Variants in SLC7A6 observed in about 807,000 individuals in gnomAD.
The protein encoded by SLC7A6 is Y+L amino acid transporter 2.
SLC7A6 carries 29 observed loss-of-function variants against 46.6 expected under a neutral mutation model. The observed-to-expected ratio is 0.62, with a 90% CI of 0.46 to 0.85. The LOEUF is 0.85. Ranked by LOEUF, SLC7A6 falls within the 40% of genes least tolerant of loss-of-function variation. The pLI is 0.00. For synonymous variants in SLC7A6, 276 were observed against 257.3 expected, an observed-to-expected ratio of 1.07 and a Z score of -0.70; for missense variants, 527 against 647.6, an observed-to-expected ratio of 0.81 and a Z score of 2.02.
At position 68,287,885 on chromosome 16, in the gene SLC7A6, A is replaced by AG. The variant is rs761489457; in HGVS notation, c.649+20dup. The AG allele has an allele frequency of 9.9e-6, 16 of 1,611,958 alleles. No homozygotes were observed. Among genetic ancestry groups the AG allele is most frequent in the East Asian group, 8.9e-5 (4 of 44,842 alleles). On this transcript the variant is annotated intron_variant, in intron 4 of 10. Transcript: ENST00000219343. The stretch of plus-strand genomic sequence containing the variant: ...AACTGTGCCAGGGTAAGTGGTGGGA[A>AG]GGGGGGTACCACCAACAGTTCCTCT...
At position 68,274,817 on chromosome 16, in the gene SLC7A6, C is replaced by A. The variant is rs904026306; in HGVS notation, c.91C>A (p.Pro31Thr). ...CCAGGTGGAAGAAGATGTCAGCTCG[C>A]CACCTCAAAGGTCCTCCGAAACTAT... ...QSQVEEDVSS[P>T]PQRSSETMQL... Residue 31 changes from proline to threonine, a missense_variant, in exon 3 of 11, where the codon CCA becomes ACA. By Grantham distance (38) the Pro-to-Thr change is conservative (BLOSUM62 -1). Transcript: ENST00000219343. 1.2e-6 allele frequency: 2 copies of A among 1,614,102 alleles called. No homozygotes were observed. Among genetic ancestry groups the A allele is most frequent in the African/African-American group, 1.3e-5 (1 of 74,934 alleles).
intron 8 of SLC7A6, among the ~76,000 whole-genome samples, chr16:68,296,160 AG>A (rs943042313): frequency 9.9e-5 from 15 of 152,128 alleles, no homozygotes; most frequent in Non-Finnish European, 2.1e-4. Flanking sequence ...CTGCAACAGA[AG>A]GGGGAAAGAT....
At chr16:68,294,585 C>G in intron 7 of SLC7A6, 120 bp from the exon 8 acceptor site, 1 of 733,248 alleles carries the variant, frequency 1.4e-6, no homozygotes, top group Non-Finnish European at 2.5e-6. Context: ...CTGGGATGCT[C>G]CTGGGAGGCT....
chr16:68,271,120 A>G, intron 2 of SLC7A6, among the ~76,000 whole-genome samples: 1 of 151,590 alleles, frequency 6.6e-6, no homozygotes, highest in Non-Finnish European at 1.5e-5. Flanking sequence ...AAAGTGGTGG[A>G]TTACAGGTGT....
rs2042494733 is a variant in SLC7A6 at position 68,264,645 on chromosome 16, C to T, written c.-166+69C>T. 1 of 152,266 alleles carries T rather than the reference C, an allele frequency of 6.6e-6. No homozygotes were observed. The highest frequency in any genetic ancestry group is 1.5e-5 in the Non-Finnish European group (1 of 68,094). 9.4% of individuals were successfully genotyped at this position (152,266 alleles called of 1,614,324 possible). On this transcript the variant is annotated intron_variant, in intron 1 of 10. Coordinates refer to ENST00000219343, the MANE Select transcript of SLC7A6 (RefSeq NM_003983.6). This position sits in a 1 kb window ranked among gnomAD's most constrained non-coding sequence, Gnocchi z 5.8. Reference sequence around the variant, plus strand: ...GGGCTGGGCCGCGTTCTGTGGGAGCCGAACCCTGTGGGTCTTCGCTGCCGC... The same window carrying T: ...GGGCTGGGCCGCGTTCTGTGGGAGCTGAACCCTGTGGGTCTTCGCTGCCGC...
chr16:68,270,028 G>A (rs1343469124), intron 2 of SLC7A6, among the ~76,000 whole-genome samples: 2 of 152,126 alleles, frequency 1.3e-5, no homozygotes, highest in Admixed American at 1.3e-4. Context: ...TTAGCCTCCA[G>A]AGTAGCTGAG....
intron 2 of SLC7A6, among the ~76,000 whole-genome samples, chr16:68,269,789 G>A (rs554203504): frequency 6.6e-6 from 1 of 151,880 alleles, no homozygotes; most frequent in South Asian, 2.1e-4. Context: ...GGTCTCACTC[G>A]GTCATCTCAC....
At position 68,291,222 on chromosome 16, in the gene SLC7A6, G is replaced by A. The variant is rs762828901; in HGVS notation, c.808G>A (p.Ala270Thr). The change falls in exon 6 of 11, where the codon GCC becomes ACC. Residue 270 changes from alanine to threonine, a missense_variant. Coordinates refer to ENST00000219343, the MANE Select transcript of SLC7A6 (RefSeq NM_003983.6). ...IKNPERNLPL[A>T]IGISMPIVTL... ...TTGTCCTGACAGAAATTTGCCCTTGGCCATTGGGATTTCTATGCCAATTGT... is the reference window on the plus strand; with the variant it reads ...TTGTCCTGACAGAAATTTGCCCTTGACCATTGGGATTTCTATGCCAATTGT... The A allele has an allele frequency of 6.2e-7, 1 of 1,614,186 alleles. No homozygotes were observed. The highest frequency in any genetic ancestry group is 8.5e-7 in the Non-Finnish European group (1 of 1,180,028).
intron 2 of SLC7A6, among the ~76,000 whole-genome samples, chr16:68,270,754 C>T (rs1478153090): frequency 1.3e-5 from 2 of 152,132 alleles, no homozygotes; most frequent in Non-Finnish European, 2.9e-5. Context: ...CCTGTAACTT[C>T]AGCTTTCTGA....
rs960639174 is a variant in SLC7A6, at chr16:68,300,072, G to A, written c.*2744G>A. 1.3e-5 allele frequency: 2 copies of A among 152,314 alleles called. No individual in the cohort carries two copies. The highest frequency in any genetic ancestry group is 1.9e-4 in the East Asian group (1 of 5,180). 9.4% of individuals were successfully genotyped at this position (152,314 alleles called of 1,614,324 possible). Reference sequence around the variant, plus strand: ...TGACAGTGAGTAAGAGACACTCACAGGCTATGAGGGTACACCCCTAGCTGA... The same window carrying A: ...TGACAGTGAGTAAGAGACACTCACAAGCTATGAGGGTACACCCCTAGCTGA... On this transcript the variant is annotated 3_prime_UTR_variant, in exon 11 of 11. Transcript: ENST00000219343.
intron 3 of SLC7A6, among the ~76,000 whole-genome samples, chr16:68,275,761 C>T (rs772312524): frequency 7.4e-4 from 113 of 151,966 alleles, no homozygotes; most frequent in Admixed American, 1.6e-3. Flanking sequence ...TGAATCTGTT[C>T]GTGGCTTTTG....
At chr16:68,294,599 T>A in intron 7 of SLC7A6, 106 bp from the exon 8 acceptor site, 1 of 794,472 alleles carries the variant, frequency 1.3e-6, no homozygotes, top group Non-Finnish European at 2.2e-6. Context: ...GGAGGCTGCA[T>A]CCTGCTTTCC....
intron 3 of SLC7A6, among the ~76,000 whole-genome samples, chr16:68,278,079 C>T (rs2042749138): frequency 6.6e-6 from 1 of 152,086 alleles, no homozygotes; most frequent in Admixed American, 6.6e-5. Flanking sequence ...GCCTCAGCCT[C>T]CCGAGTAGCT....
chr16:68,300,589 T>G lies in SLC7A6; in HGVS notation c.*3261T>G. 1.0e-6 allele frequency: 1 copy of G among 979,978 alleles called. No individual in the cohort carries two copies. The highest frequency in any genetic ancestry group is 1.2e-6 in the Non-Finnish European group (1 of 824,956). 60.7% of individuals were successfully genotyped at this position (979,978 alleles called of 1,614,324 possible). On this transcript the variant is annotated 3_prime_UTR_variant, in exon 11 of 11. Coordinates refer to ENST00000219343, the MANE Select transcript of SLC7A6 (RefSeq NM_003983.6). Reference sequence around the variant, plus strand: ...GCTCCCTGTTTTAGATATTCAGATTTAAAAGGTTTTCAAAGAATTACTTTC... The same window carrying G: ...GCTCCCTGTTTTAGATATTCAGATTGAAAAGGTTTTCAAAGAATTACTTTC...
At chr16:68,282,168 A>G (rs1242581443) in intron 3 of SLC7A6, among the ~76,000 whole-genome samples, 1 of 152,192 alleles carries the variant, frequency 6.6e-6, no homozygotes, top group Non-Finnish European at 1.5e-5. Flanking sequence ...TGAGAGTGAT[A>G]CGGGGCTAGG....
chr16:68,290,775 G>T (rs543256545), intron 5 of SLC7A6: 1 of 551,746 alleles, frequency 1.8e-6, no homozygotes, highest in East Asian at 3.3e-5. Flanking sequence ...CTAGAGGAGA[G>T]GGCCTTCAGT....
Position 68,299,611 on chromosome 16 carries a change from C to T in SLC7A6, c.*2283C>T, listed in dbSNP as rs577658744. On this transcript the variant is annotated 3_prime_UTR_variant, in exon 11 of 11. Transcript: ENST00000219343. ...TGAGTACAGTTTATTAAGTTGTCAG[C>T]CCTTTAATATTGGGGAAACTTAATG... 1 of 152,274 alleles carries T rather than the reference C, an allele frequency of 6.6e-6. No individual in the cohort carries two copies. Among genetic ancestry groups the T allele is most frequent in the African/African-American group, 2.4e-5 (1 of 41,558 alleles). The allele number at this position is 152,274 out of a possible 1,614,324, so 9.4% of individuals were successfully genotyped here.
At chr16:68,266,151 T>G (rs2042529549) in intron 1 of SLC7A6, among the ~76,000 whole-genome samples, 1 of 152,038 alleles carries the variant, frequency 6.6e-6, no homozygotes, top group South Asian at 2.1e-4. Context: ...TCCCACCTAC[T>G]CGGGAGGCTG....
At chr16:68,277,544 C>G (rs1472714181) in intron 3 of SLC7A6, among the ~76,000 whole-genome samples, 1 of 151,904 alleles carries the variant, frequency 6.6e-6, no homozygotes, top group Non-Finnish European at 1.5e-5. Flanking sequence ...ATGTCCTGAC[C>G]TCGTGATCCG....
Sources: gnomAD v4.1 joint callset for allele counts (sites outside exome capture counted in the v4.1 genomes callset) on GRCh38, gnomAD v4.1.1 for gene constraint, Gnocchi (gnomAD v3.1) non-coding constraint, MANE v1.5 for transcripts, NCBI Gene and HGNC (gene_info 2026-07-23, HGNC 2026-07-21) for gene names.